CLTRN: variants seen among roughly 807,000 people sequenced by gnomAD.
CLTRN encodes the protein collectrin, amino acid transport regulator.
A neutral mutation model predicts 14.5 loss-of-function variants in CLTRN; 12 were observed. That is an observed-to-expected ratio of 0.83 (90% confidence interval 0.53 to 1.34). CLTRN has a LOEUF of 1.34. Ranked by LOEUF, CLTRN falls within the 40% of genes most tolerant of loss-of-function variation. The pLI, the probability that CLTRN is intolerant of heterozygous loss-of-function variation, is 0.00. For synonymous variants in CLTRN, 58 were observed against 56.5 expected, an observed-to-expected ratio of 1.03 and a Z score of -0.12; for missense variants, 154 against 165.1, an observed-to-expected ratio of 0.93 and a Z score of 0.37.
chrX:15,653,311 C>T (rs760911726), intron 3 of CLTRN, among the ~76,000 whole-genome samples: 1 of 109,450 alleles, frequency 9.1e-6, no homozygotes, highest in East Asian at 2.9e-4. Flanking sequence ...GAATGGATCA[C>T]GGTGGCCTTT....
upstream of CLTRN, among the ~76,000 whole-genome samples, chrX:15,669,523 T>G (rs1314750739): frequency 1.8e-5 from 2 of 112,211 alleles, no homozygotes; most frequent in African/African-American, 3.2e-5. Flanking sequence ...CGAAATTGAT[T>G]TCTCCGTGTT....
At chrX:15,661,117 G>A (rs1236772505) in intron 2 of CLTRN, among the ~76,000 whole-genome samples, 1 of 112,073 alleles carries the variant, frequency 8.9e-6, no homozygotes, top group East Asian at 2.8e-4. Context: ...GAAGAAATGG[G>A]TCTGATTAAA....
chrX:15,653,706 C>T (rs1929281573), intron 3 of CLTRN, among the ~76,000 whole-genome samples: 1 of 111,737 alleles, frequency 8.9e-6, no homozygotes, highest in Admixed American at 9.6e-5. Context: ...TGGTGGGGCA[C>T]ACCAGTGACC....
At chrX:15,638,694 C>T (rs1164186359) in intron 5 of CLTRN, among the ~76,000 whole-genome samples, 1 of 111,773 alleles carries the variant, frequency 8.9e-6, no homozygotes, top group Non-Finnish European at 1.9e-5. Flanking sequence ...TTAACAAAAT[C>T]ATGCTGAGAA....
At chrX:15,665,706 T>C (rs1351114616), upstream of CLTRN, among the ~76,000 whole-genome samples, 1 of 112,504 alleles carries the variant, frequency 8.9e-6, no homozygotes, top group Non-Finnish European at 1.9e-5. Flanking sequence ...TAGGCACATG[T>C]GGCTACTGAC....
At chrX:15,662,910 T>G (rs962730257) in intron 2 of CLTRN, among the ~76,000 whole-genome samples, 1 of 111,348 alleles carries the variant, frequency 9.0e-6, no homozygotes, top group Non-Finnish European at 1.9e-5. Context: ...CTCTTTAAGC[T>G]CATCACCTGC....
chrX:15,651,636 G>A (rs1601730229), intron 3 of CLTRN, among the ~76,000 whole-genome samples: 1 of 111,371 alleles, frequency 9.0e-6, no homozygotes, highest in South Asian at 3.8e-4. Context: ...CAAATATTTT[G>A]TCCATTTGCA....
At chrX:15,634,946 T>A (rs866496762) in intron 5 of CLTRN, among the ~76,000 whole-genome samples, 16 of 103,783 alleles carry the variant, frequency 1.5e-4, no homozygotes, top group African/African-American at 4.7e-4. Context: ...TAATAAAAAA[T>A]AAATAAATAA....
intron 5 of CLTRN, among the ~76,000 whole-genome samples, chrX:15,628,850 T>C (rs1277595639): frequency 2.7e-5 from 3 of 112,154 alleles, no homozygotes; most frequent in Non-Finnish European, 5.6e-5. Flanking sequence ...GAGTTTCTCA[T>C]AGTTTCACCC....
chrX:15,646,465 C>G (rs910369353), intron 3 of CLTRN: 1 of 251,401 alleles, frequency 4.0e-6, no homozygotes, highest in Non-Finnish European at 7.7e-6. Flanking sequence ...CGCACCCACC[C>G]CCCCGCCCGA....
At position 15,632,820 on chromosome X, in the gene CLTRN, C is replaced by T. The variant is rs764071414; in HGVS notation, c.513-4693G>A. Among the ~76,000 whole-genome samples, 403 of 94,901 alleles carry T rather than the reference C, an allele frequency of 4.2e-3. 1 individual carries two copies. The highest frequency in any genetic ancestry group is 6.3e-3 in the Non-Finnish European group (309 of 49,200). The allele number at this position is 94,901 out of a possible 115,157, so 82.4% of individuals were successfully genotyped here. Reference sequence around the variant, plus strand: ...AATGGTGTGAACCCGGGAGGCGGAGCTTGCAGTGAGCCAAGATCTTGCCAC... The same window carrying T: ...AATGGTGTGAACCCGGGAGGCGGAGTTTGCAGTGAGCCAAGATCTTGCCAC... On this transcript the variant is annotated intron_variant, in intron 5 of 5. Coordinates refer to ENST00000380342, the MANE Select transcript of CLTRN (RefSeq NM_020665.6).
At chrX:15,628,185 T>C in intron 5 of CLTRN, 58 bp from the exon 6 acceptor site, 1 of 891,527 alleles carries the variant, frequency 1.1e-6, no homozygotes, top group Non-Finnish European at 1.5e-6. Context: ...CATGGTTGCA[T>C]ATGGTCTTCT....
chrX:15,630,363 AGAAGGAAGGAAGGAAGGAAGGAAG>A (rs67681066), intron 5 of CLTRN, among the ~76,000 whole-genome samples: 1 of 54,674 alleles, frequency 1.8e-5, no homozygotes, highest in Non-Finnish European at 3.1e-5. Flanking sequence ...ACCACAAGAA[AGAAGGAAGGAAGGAAGGAAGGAAG>A]GAAGGAAGGA....
chrX:15,670,479 A>G, intron 1 of CLTRN, among the ~76,000 whole-genome samples: 1 of 111,715 alleles, frequency 9.0e-6, no homozygotes, highest in Non-Finnish European at 1.9e-5. Flanking sequence ...ACTATATATA[A>G]TAAACAATAT....
Position 15,644,926 on chromosome X carries a change from A to G in CLTRN, c.307T>C (p.Ser103Pro). ...NHTLPAVEVQ[S>P]AIRMNKNRIN... is the part of the protein sequence containing the mutation. ...TTTAAGGGTGATTACCTTATGGCTG[A>G]TTGCACCTCAACAGCAGGAAGGGTG... is the stretch of plus-strand genomic sequence containing the variant. Residue 103 changes from serine (S) to proline (P), a missense_variant, in exon 4 of 6, where the codon TCA (serine) becomes CCA (proline). Coordinates refer to ENST00000380342, the MANE Select transcript of CLTRN (RefSeq NM_020665.6). The G allele has an allele frequency of 8.4e-7, 1 of 1,195,083 alleles. No homozygotes were observed. The highest frequency in any genetic ancestry group is 1.8e-5 in the South Asian group (1 of 54,789).
intron 5 of CLTRN, among the ~76,000 whole-genome samples, chrX:15,636,082 C>T (rs940023622): frequency 2.7e-5 from 3 of 111,663 alleles, no homozygotes; most frequent in African/African-American, 9.8e-5. Flanking sequence ...AAAAGGGAAC[C>T]CTGGTACACT....
chrX:15,654,437 G>T (rs1391417804), intron 3 of CLTRN, among the ~76,000 whole-genome samples: 2 of 112,386 alleles, frequency 1.8e-5, no homozygotes, highest in Admixed American at 1.9e-4. Context: ...AGCTTCCTTA[G>T]AAATTCCTTT....
At chrX:15,657,885 A>G (rs1929412729) in intron 3 of CLTRN, among the ~76,000 whole-genome samples, 1 of 112,032 alleles carries the variant, frequency 8.9e-6, no homozygotes, top group Non-Finnish European at 1.9e-5. Flanking sequence ...GTGTGTATAC[A>G]CAAATGTATA....
chrX:15,666,356 C>A (rs1929621712), upstream of CLTRN, among the ~76,000 whole-genome samples: 1 of 111,804 alleles, frequency 8.9e-6, no homozygotes, highest in Non-Finnish European at 1.9e-5. Flanking sequence ...CAACGCCCCG[C>A]CCAGAGGTTG....
Sources: allele counts gnomAD v4.1 joint callset (sites outside exome capture counted in the v4.1 genomes callset), GRCh38; gene constraint gnomAD v4.1.1; transcripts MANE v1.5; gene names NCBI Gene and HGNC (gene_info 2026-07-23, HGNC 2026-07-21).